Variants in HLTF observed in about 807,000 individuals in gnomAD.
The protein encoded by HLTF is helicase like transcription factor.
In HLTF, 127 loss-of-function variants were observed where a neutral mutation model predicts 129.4. The observed-to-expected ratio is 0.98, with a 90% CI of 0.85 to 1.14. HLTF has a LOEUF of 1.14. Among genes scored for constraint, HLTF ranks in the 50% most tolerant of loss-of-function variants. The pLI is 0.00. For synonymous variants in HLTF, 332 were observed against 388.8 expected (o/e 0.85, Z 1.72); for missense variants, 1,139 against 1,187.1 (o/e 0.96, Z 0.60).
intron 2 of HLTF, among the ~76,000 whole-genome samples, chr3:149,078,733 T>G (rs1369332008): frequency 6.6e-6 from 1 of 151,808 alleles, no homozygotes; most frequent in Non-Finnish European, 1.5e-5. Flanking sequence ...GGCGGGTGCC[T>G]GTAGTCCCAG....
At chr3:149,073,348 A>G (rs770724389) in intron 4 of HLTF, 26 bp from the exon 5 acceptor site, 1 of 1,468,300 alleles carries the variant, frequency 6.8e-7, no homozygotes, top group Admixed American at 1.8e-5. Context: ...TAAAAAGAAT[A>G]AAGCCATCAA....
At chr3:149,036,137 A>AAAAAAAC in intron 23 of HLTF, among the ~76,000 whole-genome samples, 1 of 152,082 alleles carries the variant, frequency 6.6e-6, no homozygotes, top group South Asian at 2.1e-4. Flanking sequence ...TACATCTCAA[A>AAAAAAAC]AAAAAACAAA....
chr3:149,048,586 G>GACTAGAGTGTCTACTCCATTTCC (rs1340199942), intron 16 of HLTF, among the ~76,000 whole-genome samples: 1 of 152,172 alleles, frequency 6.6e-6, no homozygotes, highest in Non-Finnish European at 1.5e-5. Flanking sequence ...ATGACTGGAT[G>GACTAGAGTGTCTACTCCATTTCC]ACTAGAGTGT....
At chr3:149,077,430 A>C (rs1259998428) in intron 2 of HLTF, among the ~76,000 whole-genome samples, 1 of 152,124 alleles carries the variant, frequency 6.6e-6, no homozygotes, top group Non-Finnish European at 1.5e-5. Flanking sequence ...CCCACTTGCA[A>C]GGCTGACTGT....
Position 149,084,783 on chromosome 3 carries a change from T to C in HLTF, c.127A>G (p.Ile43Val). 2.5e-6 allele frequency: 4 copies of C among 1,614,044 alleles called. No homozygotes were observed. Among genetic ancestry groups the C allele is most frequent in the Non-Finnish European group, 3.4e-6 (4 of 1,179,888 alleles). Residue 43 changes from isoleucine to valine, a missense_variant, in exon 2 of 25, where the codon ATC becomes GTC. Transcript: ENST00000310053. ...CTAGTTAGAAAGTCATCTGGAGGGA[T>C]AACATCTTGGAATTCAAAACGTGGA... is the stretch of plus-strand genomic sequence containing the variant. ...FFPRFEFQDVIPPDDFLTSDE... is the reference protein window; with the variant it reads ...FFPRFEFQDVVPPDDFLTSDE...
chr3:149,046,403 C>A, intron 17 of HLTF, 144 bp from the exon 18 acceptor site: 1 of 519,110 alleles, frequency 1.9e-6, no homozygotes, highest in Non-Finnish European at 3.3e-6. Context: ...GGGATTTTAA[C>A]CAATCTGATA....
At chr3:149,061,233 C>T (rs1011574205) in intron 10 of HLTF, among the ~76,000 whole-genome samples, 40 of 151,866 alleles carry the variant, frequency 2.6e-4, no homozygotes, top group African/African-American at 8.9e-4. Context: ...CTACACCCAG[C>T]GAATTTCACT....
intron 7 of HLTF, among the ~76,000 whole-genome samples, chr3:149,069,472 G>GGA (rs1553743252): frequency 8.1e-6 from 1 of 122,742 alleles, no homozygotes; most frequent in Non-Finnish European, 1.8e-5. Context: ...TCCATCTCAA[G>GGA]AAAAAAAAAA....
At chr3:149,069,642 T>C (rs568894720) in intron 7 of HLTF, among the ~76,000 whole-genome samples, 1 of 152,142 alleles carries the variant, frequency 6.6e-6, no homozygotes, top group African/African-American at 2.4e-5. Flanking sequence ...TAGAGAAAAA[T>C]CACTCAAGAT....
At chr3:149,059,515 C>A in intron 13 of HLTF, 1 of 524,754 alleles carries the variant, frequency 1.9e-6, no homozygotes, top group Non-Finnish European at 3.4e-6. Flanking sequence ...TTGGCCCTAA[C>A]TAAAACAAAT....
In HLTF at chr3:149,084,804, G is replaced by A; in HGVS notation, c.106C>T (p.Arg36Cys). The change falls in exon 2 of 25, where the codon CGT (arginine) becomes TGT (cysteine). Residue 36 changes from arginine to cysteine, a missense_variant. Arg to Cys is a radical substitution (Grantham distance 180). Coordinates refer to ENST00000310053, the MANE Select transcript of HLTF (RefSeq NM_003071.4). ...GGGATAACATCTTGGAATTCAAAAC[G>A]TGGAAAGAAAGTTGGATATGAGAGG... ...PRLSYPTFFPRFEFQDVIPPD... is the reference protein window; with the variant it reads ...PRLSYPTFFPCFEFQDVIPPD... 6.2e-7 allele frequency: 1 copy of A among 1,613,900 alleles called. No homozygotes were observed. Among genetic ancestry groups the A allele is most frequent in the Non-Finnish European group, 8.5e-7 (1 of 1,179,832 alleles).
rs1366288035 is a variant in HLTF, at chr3:149,071,374, T to G, written c.772A>C (p.Lys258Gln). Reference protein sequence around the residue: ...LAWMVSRENSKELPPFWEQRN... With the variant: ...LAWMVSRENSQELPPFWEQRN... ...TGTTCCCAGAATGGTGGAAGTTCTTTGCTATTTTCCCGTGACACCATCCAA... is the reference window on the plus strand; with the variant it reads ...TGTTCCCAGAATGGTGGAAGTTCTTGGCTATTTTCCCGTGACACCATCCAA... The change falls in exon 7 of 25, where the codon AAA (lysine) becomes CAA (glutamine). Residue 258 changes from lysine (K) to glutamine (Q), a missense_variant. Transcript: ENST00000310053. The G allele has an allele frequency of 5.6e-6, 9 of 1,613,850 alleles. No homozygotes were observed. The highest frequency in any genetic ancestry group is 1.7e-5 in the Admixed American group (1 of 60,022).
At position 149,032,152 on chromosome 3, in the gene HLTF, A is replaced by G. The variant is rs781420266; in HGVS notation, c.*68T>C. ...GTGTTCTCTAGATCTCATTTCTAAAACTCTGTATTTTTCTCATTTCTAAAA... is the reference window on the plus strand; with the variant it reads ...GTGTTCTCTAGATCTCATTTCTAAAGCTCTGTATTTTTCTCATTTCTAAAA... On this transcript the variant is annotated 3_prime_UTR_variant, in exon 25 of 25. Transcript: ENST00000310053. 37 of 1,226,594 alleles carry G rather than the reference A, an allele frequency of 3.0e-5. No homozygotes were observed. Among genetic ancestry groups the G allele is most frequent in the Non-Finnish European group, 3.9e-5 (35 of 890,400 alleles). 76.0% of individuals were successfully genotyped at this position (1,226,594 alleles called of 1,614,324 possible).
chr3:149,045,636 TCA>T (rs1259435399), intron 18 of HLTF, among the ~76,000 whole-genome samples: 4 of 152,208 alleles, frequency 2.6e-5, no homozygotes, highest in African/African-American at 9.6e-5. Context: ...GATTCCCCTT[TCA>T]CAGTCCTATT....
At chr3:149,080,915 G>T (rs2108071188) in intron 2 of HLTF, among the ~76,000 whole-genome samples, 1 of 152,232 alleles carries the variant, frequency 6.6e-6, no homozygotes, top group East Asian at 1.9e-4. Context: ...TTTCAGCAAT[G>T]ACAGACCACA....
chr3:149,074,046 T>C (rs984052242), intron 4 of HLTF, among the ~76,000 whole-genome samples, 169 bp downstream of exon 4: 2 of 152,112 alleles, frequency 1.3e-5, no homozygotes, highest in African/African-American at 2.4e-5. Flanking sequence ...TCTATTTCAA[T>C]AGAGGCAAAA....
intron 23 of HLTF, among the ~76,000 whole-genome samples, chr3:149,035,911 A>T (rs1715571010): frequency 6.6e-6 from 1 of 151,880 alleles, no homozygotes; most frequent in African/African-American, 2.4e-5. Context: ...CGAGGCAGGC[A>T]GATCACGAGT....
chr3:149,041,122 T>C (rs1400679955), intron 20 of HLTF, among the ~76,000 whole-genome samples: 1 of 152,186 alleles, frequency 6.6e-6, no homozygotes, highest in African/African-American at 2.4e-5. Context: ...AAAAGCACAT[T>C]AATACTTTTT....
At chr3:149,060,935 G>A (rs997539994) in intron 10 of HLTF, 77 bp from the exon 11 acceptor site, 2 of 988,870 alleles carry the variant, frequency 2.0e-6, no homozygotes, top group African/African-American at 1.7e-5. Flanking sequence ...TTTAATAAAT[G>A]CAATAAAAAA....
Sources: gnomAD v4.1 joint callset for allele counts (sites outside exome capture counted in the v4.1 genomes callset) on GRCh38, gnomAD v4.1.1 for gene constraint, MANE v1.5 for transcripts, NCBI Gene and HGNC (gene_info 2026-07-23, HGNC 2026-07-21) for gene names.